Variants in TTC28 observed in about 807,000 individuals in gnomAD.
The protein encoded by TTC28 is tetratricopeptide repeat protein 28.
A neutral mutation model predicts 198.0 loss-of-function variants in TTC28; 61 were observed. That is an observed-to-expected ratio of 0.31 (90% CI 0.25 to 0.38). The LOEUF (loss-of-function observed/expected upper bound fraction) is 0.38. TTC28 is among the 10% of genes least tolerant of loss of function. The probability of loss-of-function intolerance (pLI) is 1.00; values close to 1 mark genes in which losing one functional copy is unlikely to be tolerated. For missense variants in TTC28, 2,678 were observed against 3,164.0 expected (o/e 0.85, Z 3.69); for synonymous variants, 1,171 against 1,297.8 (o/e 0.90, Z 2.10).
Position 28,201,238 on chromosome 22 carries a change from C to T in TTC28, c.934-37639G>A, listed in dbSNP as rs529613488. 1.1e-4 allele frequency among the ~76,000 whole-genome samples: 17 copies of T among 152,238 alleles called. 1 individual carries two copies. Among genetic ancestry groups the T allele is most frequent in the African/African-American group, 3.4e-4 (14 of 41,552 alleles). On this transcript the variant is annotated intron_variant, in intron 5 of 22. Coordinates refer to ENST00000397906, the MANE Select transcript of TTC28 (RefSeq NM_001145418.2). The stretch of plus-strand genomic sequence containing the variant: ...AACCAAACCAACATGTATTGAGCAT[C>T]TATGATCTGCCAGTTAGGCTGCAGA...
At chr22:28,514,117 C>G (rs986915896) in intron 2 of TTC28, among the ~76,000 whole-genome samples, 1 of 152,116 alleles carries the variant, frequency 6.6e-6, no homozygotes, top group Non-Finnish European at 1.5e-5. Flanking sequence ...CTTTTTATAT[C>G]TCCATGTATT....
intron 3 of TTC28, among the ~76,000 whole-genome samples, chr22:28,300,984 A>C (rs2045009928): frequency 6.6e-6 from 1 of 152,222 alleles, no homozygotes; most frequent in South Asian, 2.1e-4. Flanking sequence ...TTGTTACACA[A>C]ATCTATTCAT....
At chr22:28,607,017 C>T (rs1262849473) in intron 2 of TTC28, among the ~76,000 whole-genome samples, 2 of 152,148 alleles carry the variant, frequency 1.3e-5, no homozygotes, top group East Asian at 1.9e-4. Context: ...TGAAGCAGCT[C>T]ATAAGACCCT....
At chr22:28,658,905 G>A (rs371438040) in intron 1 of TTC28, among the ~76,000 whole-genome samples, 1 of 152,134 alleles carries the variant, frequency 6.6e-6, no homozygotes, top group South Asian at 2.1e-4. Context: ...ACTGAGGCAG[G>A]AGAATTGCTT....
At chr22:28,619,524 A>G (rs562986106) in intron 2 of TTC28, among the ~76,000 whole-genome samples, 16 of 152,372 alleles carry the variant, frequency 1.1e-4, no homozygotes, top group Admixed American at 3.3e-4. Context: ...ACCACTGTAC[A>G]TCAATTGACA....
intron 13 of TTC28, among the ~76,000 whole-genome samples, chr22:28,018,612 T>C (rs1938475485): frequency 6.6e-6 from 1 of 152,142 alleles, no homozygotes; most frequent in South Asian, 2.1e-4. Context: ...TCCATGCTAG[T>C]GGCCCTGGTC....
intron 3 of TTC28, among the ~76,000 whole-genome samples, chr22:28,304,458 G>C (rs547778405): frequency 2.6e-4 from 40 of 152,224 alleles, no homozygotes; most frequent in African/African-American, 9.6e-4. Flanking sequence ...CAGTGGTAAA[G>C]ACAATGCTGA....
intron 1 of TTC28, among the ~76,000 whole-genome samples, chr22:28,646,497 T>C (rs2051469004): frequency 6.6e-6 from 1 of 152,168 alleles, no homozygotes; most frequent in Non-Finnish European, 1.5e-5. Context: ...AATCTGCAGA[T>C]TCAGTGCAAT....
chr22:28,407,293 C>T (rs1017860088), intron 2 of TTC28, among the ~76,000 whole-genome samples: 1 of 152,114 alleles, frequency 6.6e-6, no homozygotes, highest in Non-Finnish European at 1.5e-5. Context: ...AGAAGAAAAG[C>T]AAACACAAGC....
chr22:28,166,609 G>GT (rs1569174315), intron 5 of TTC28, among the ~76,000 whole-genome samples: 1 of 152,186 alleles, frequency 6.6e-6, no homozygotes, highest in Non-Finnish European at 1.5e-5. Flanking sequence ...AAATAAAGAT[G>GT]TTTTTTGAAG....
intron 12 of TTC28, among the ~76,000 whole-genome samples, chr22:28,031,377 G>A (rs542805399): frequency 6.6e-6 from 1 of 152,276 alleles, no homozygotes; most frequent in African/African-American, 2.4e-5. Context: ...ATAACTCTAA[G>A]CCCACAGGAA....
At chr22:28,517,153 T>C (rs753589906) in intron 2 of TTC28, among the ~76,000 whole-genome samples, 1 of 152,132 alleles carries the variant, frequency 6.6e-6, no homozygotes, top group African/African-American at 2.4e-5. Flanking sequence ...GAAAAAGACT[T>C]ACAATAAAGG....
At chr22:28,387,473 G>A (rs2046628951) in intron 2 of TTC28, among the ~76,000 whole-genome samples, 1 of 152,184 alleles carries the variant, frequency 6.6e-6, no homozygotes, top group South Asian at 2.1e-4. Context: ...GTGTAAAAGT[G>A]TTCCTACTTC....
At chr22:27,990,192 A>T (rs1198910663) in intron 20 of TTC28, 185 bp from the exon 21 acceptor site, 36 of 799,298 alleles carry the variant, frequency 4.5e-5, no homozygotes, top group Non-Finnish European at 6.5e-5. Flanking sequence ...CTCTGTGGGA[A>T]GCTCATGGGG....
intron 2 of TTC28, among the ~76,000 whole-genome samples, chr22:28,379,773 T>C (rs1056700055): frequency 1.6e-4 from 25 of 152,206 alleles, no homozygotes; most frequent in African/African-American, 5.3e-4. Flanking sequence ...TTTTATGTTA[T>C]GTGTATTTTA....
rs549713807 is a variant in TTC28, at chr22:27,996,042, C to T, written c.5244+93G>A. 29 of 1,471,760 alleles carry T rather than the reference C, an allele frequency of 2.0e-5. No individual in the cohort carries two copies. The South Asian group carries it at 3.0e-4, about 15-fold the overall frequency. 91.2% of individuals were successfully genotyped at this position (1,471,760 alleles called of 1,614,324 possible). A position where few individuals can be genotyped will look rare whatever the true frequency, so the allele number is the denominator to read the frequency against. ...GCCCCAATCACGGTGTCCTCTCCAACTGCTCACATCCCCGTGTAGGGAAAC... is the reference window on the plus strand; with the variant it reads ...GCCCCAATCACGGTGTCCTCTCCAATTGCTCACATCCCCGTGTAGGGAAAC... On this transcript the variant is annotated intron_variant, in intron 17 of 22. Coordinates refer to ENST00000397906, the MANE Select transcript of TTC28 (RefSeq NM_001145418.2).
intron 2 of TTC28, among the ~76,000 whole-genome samples, chr22:28,434,840 C>G (rs1042543971): frequency 6.6e-6 from 1 of 152,146 alleles, no homozygotes; most frequent in Non-Finnish European, 1.5e-5. Context: ...CCCAACTCTA[C>G]CAGGCCCCTA....
intron 2 of TTC28, among the ~76,000 whole-genome samples, chr22:28,307,698 CAT>C (rs1286197564): frequency 6.6e-6 from 1 of 152,158 alleles, no homozygotes; most frequent in East Asian, 1.9e-4. Flanking sequence ...ATATAATTAA[CAT>C]ATTCATTGCT....
intron 2 of TTC28, among the ~76,000 whole-genome samples, chr22:28,326,698 G>C (rs770212937): frequency 3.9e-5 from 6 of 152,100 alleles, no homozygotes; most frequent in African/African-American, 9.7e-5. Context: ...GCAAGGTCAA[G>C]GCATCTGCTA....
Sources: allele counts gnomAD v4.1 joint callset (sites outside exome capture counted in the v4.1 genomes callset), GRCh38; gene constraint gnomAD v4.1.1; transcripts MANE v1.5; gene names NCBI Gene and HGNC (gene_info 2026-07-23, HGNC 2026-07-21).